The following VCL variants were observed in gnomAD, a reference collection of about 807,000 sequenced individuals.
VCL encodes the protein epididymis luminal protein 114.
VCL carries 47 observed loss-of-function variants against 125.7 expected under a neutral mutation model. The ratio of observed to expected loss-of-function variants is 0.37; its 90% CI spans 0.30 to 0.48. The LOEUF is 0.48. Among genes scored for constraint, VCL ranks in the 20% least tolerant of loss-of-function variants. The pLI, the probability that VCL is intolerant of heterozygous loss-of-function variation, is 0.99. For synonymous variants in VCL, 458 were observed against 514.6 expected (o/e 0.89, Z 1.49); for missense variants, 1,069 against 1,455.5 (o/e 0.73, Z 4.32).
chr10:74,074,713 A>C (rs200699818), intron 5 of VCL, 30 bp from the exon 6 acceptor site: 1 of 1,608,404 alleles, frequency 6.2e-7, no homozygotes, highest in Non-Finnish European at 8.5e-7. Flanking sequence ...TTAAATTCCA[A>C]GCTTACTTTC....
In VCL at chr10:74,059,409, C is replaced by CT. The variant is rs763857475; in HGVS notation, c.240-11248dup. Among the ~76,000 whole-genome samples the CT allele has an allele frequency of 3.9e-3, 568 of 144,792 alleles. 13 individuals are homozygous for CT. The East Asian group carries it at 0.071, about 18-fold the overall frequency. The allele number at this position is 144,792 out of a possible 152,430, so 95.0% of individuals were successfully genotyped here. ...ATCTCCTCCTGCTTTTGCACCCATA[C>CT]TTTTTTTTTTTTTGAGACGGAGTCT... On this transcript the variant is annotated intron_variant, in intron 2 of 21. Coordinates refer to ENST00000211998, the MANE Select transcript of VCL (RefSeq NM_014000.3).
At chr10:74,089,492 C>G in intron 9 of VCL, 143 bp downstream of exon 9, 1 of 1,158,152 alleles carries the variant, frequency 8.6e-7, no homozygotes. Flanking sequence ...CCAGCACTTA[C>G]CAATGTTAAC....
chr10:74,107,214 G>C lies in VCL; in HGVS notation c.2435-16G>C. The C allele has an allele frequency of 6.2e-7, 1 of 1,614,152 alleles. No individual in the cohort carries two copies. The highest frequency in any genetic ancestry group is 8.5e-7 in the Non-Finnish European group (1 of 1,180,024). On this transcript the variant is annotated splice_polypyrimidine_tract_variant and intron_variant, in intron 16 of 21. Coordinates refer to ENST00000211998, the MANE Select transcript of VCL (RefSeq NM_014000.3). ...ACTGACCCACCCAGCTGAAAGTGAG[G>C]ATGTCTTGTGTTTAGGACTGCAAAA...
rs1378620806 is a variant in VCL, at chr10:74,072,847, T to G, written c.617T>G (p.Ile206Ser). The G allele has an allele frequency of 6.2e-7, 1 of 1,614,150 alleles. No homozygotes were observed. ...NTVKELLPVL[I>S]SAMKIFVTTK... is the part of the protein sequence containing the mutation. The stretch of plus-strand genomic sequence containing the variant: ...GTGAAAGAGTTGCTGCCAGTTCTCA[T>G]TTCAGGTACTTCCTGCCTGTACTTT... Residue 206 changes from isoleucine to serine, a missense_variant, in exon 5 of 22, where the codon ATT (isoleucine) becomes AGT (serine). Physicochemically the swap from Ile to Ser is moderately radical, Grantham distance 142. Around this residue, in one of 6 missense-constraint regions of VCL, gnomAD observed 760 missense variants for 928.9 expected, o/e 0.82. Transcript: ENST00000211998.
In VCL at chr10:74,102,156, C is replaced by T. The variant is rs1004627213; in HGVS notation, c.2022+1059C>T. ...CTGAGATTACAGGCATGAGCTACTGCGGCCGGCTTGGATAATCTTAAGAGG... is the reference window on the plus strand; with the variant it reads ...CTGAGATTACAGGCATGAGCTACTGTGGCCGGCTTGGATAATCTTAAGAGG... On this transcript the variant is annotated intron_variant, in intron 14 of 21. Coordinates refer to ENST00000211998, the MANE Select transcript of VCL (RefSeq NM_014000.3). 5.9e-5 allele frequency among the ~76,000 whole-genome samples: 9 copies of T among 151,898 alleles called. No individual in the cohort carries two copies. In the East Asian group the frequency reaches 1.2e-3, roughly 20 times the overall value.
intron 2 of VCL, among the ~76,000 whole-genome samples, chr10:74,043,649 T>C (rs1025280465): frequency 6.6e-6 from 1 of 151,784 alleles, no homozygotes; most frequent in Non-Finnish European, 1.5e-5. Flanking sequence ...ACCTGGCCAA[T>C]TTTTGACATA....
At chr10:74,115,264 C>T (rs554499135) in intron 21 of VCL, among the ~76,000 whole-genome samples, 7 of 152,084 alleles carry the variant, frequency 4.6e-5, no homozygotes, top group Admixed American at 3.3e-4. Context: ...AATTGGGAGC[C>T]AGGTGTGGTG....
At chr10:74,115,131 C>T (rs568065291) in intron 21 of VCL, among the ~76,000 whole-genome samples, 8 of 152,152 alleles carry the variant, frequency 5.3e-5, no homozygotes, top group Admixed American at 5.2e-4. Context: ...CTTTGGGAGG[C>T]TGAGGCGGGA....
At chr10:74,108,477 T>C (rs1840171773) in intron 17 of VCL, among the ~76,000 whole-genome samples, 1 of 152,024 alleles carries the variant, frequency 6.6e-6, no homozygotes, top group South Asian at 2.1e-4. Context: ...GCCTTTTTTT[T>C]TTTTCTTTTT....
intron 13 of VCL, 30 bp from the exon 14 acceptor site, chr10:74,100,918 A>T: frequency 6.2e-7 from 1 of 1,613,370 alleles, no homozygotes; most frequent in Non-Finnish European, 8.5e-7. Flanking sequence ...TATTGAAATA[A>T]ATGTTCTTAA....
chr10:74,081,713 T>G (rs1839676679), intron 6 of VCL, among the ~76,000 whole-genome samples: 1 of 152,186 alleles, frequency 6.6e-6, no homozygotes, highest in Non-Finnish European at 1.5e-5. Context: ...TCCTGGGAGA[T>G]TTTATGCTAG....
intron 1 of VCL, among the ~76,000 whole-genome samples, chr10:74,032,240 TAAAAAAAAAAAAAAAAA>T (rs770412004): frequency 9.2e-5 from 7 of 75,994 alleles, no homozygotes; most frequent in African/African-American, 3.1e-4. Flanking sequence ...TGTTTCAGAA[TAAAAAAAAAAAAAAAAA>T]AAAGAAAAAG....
intron 6 of VCL, among the ~76,000 whole-genome samples, chr10:74,082,021 G>A (rs1033288540): frequency 2.0e-5 from 3 of 152,162 alleles, no homozygotes; most frequent in Admixed American, 1.3e-4. Context: ...AGATGTAAAA[G>A]AACTGTGATT....
intron 17 of VCL, among the ~76,000 whole-genome samples, chr10:74,108,356 C>T (rs3793921): frequency 0.69 from 105,089 of 152,100 alleles, 37,004 homozygotes; most frequent in Middle Eastern, 0.84. Flanking sequence ...TAGCTGCTTT[C>T]TGGTAGAACC....
intron 1 of VCL, among the ~76,000 whole-genome samples, chr10:74,031,248 C>T (rs1290602870): frequency 6.6e-6 from 1 of 152,142 alleles, no homozygotes; most frequent in Non-Finnish European, 1.5e-5. Context: ...TCCCCCACCA[C>T]CCCCCTTGTC....
At position 74,074,839 on chromosome 10, in the gene VCL, A is replaced by C. The variant is rs745549651; in HGVS notation, c.719A>C (p.Glu240Ala). Residue 240 changes from glutamate to alanine, a missense_variant, in exon 6 of 22, where the codon GAA becomes GCA. Glu to Ala is a moderately radical substitution (Grantham distance 107, BLOSUM62 -1). Around this residue, in one of 6 missense-constraint regions of VCL, gnomAD observed 760 missense variants for 928.9 expected, o/e 0.82. Coordinates refer to ENST00000211998, the MANE Select transcript of VCL (RefSeq NM_014000.3). ...RNFTVEKMSA[E>A]INEIIRVLQL... ...TTTACTGTAGAAAAAATGAGTGCTG[A>C]AATTAATGAGATAATTCGTGTGTTA... 1 of 1,614,190 alleles carries C rather than the reference A, an allele frequency of 6.2e-7. No individual in the cohort carries two copies. Among genetic ancestry groups the C allele is most frequent in the Non-Finnish European group, 8.5e-7 (1 of 1,180,028 alleles).
intron 2 of VCL, among the ~76,000 whole-genome samples, chr10:74,069,324 G>A (rs1205109852): frequency 6.6e-6 from 1 of 152,190 alleles, no homozygotes; most frequent in Admixed American, 6.5e-5. Flanking sequence ...ACAGGCATGA[G>A]CCAACTGCGC....
At chr10:74,062,367 A>ATTTTTTTTTT (rs34306365) in intron 2 of VCL, among the ~76,000 whole-genome samples, 1 of 113,966 alleles carries the variant, frequency 8.8e-6, no homozygotes, top group Non-Finnish European at 1.7e-5. Context: ...GCCTGGCCTG[A>ATTTTTTTTTT]TTTTTTTTTT....
At chr10:74,016,538 G>A (rs1475298909) in intron 1 of VCL, among the ~76,000 whole-genome samples, 2 of 152,096 alleles carry the variant, frequency 1.3e-5, no homozygotes, top group Non-Finnish European at 2.9e-5. Context: ...TTGAGCTGGA[G>A]ATCGTGCCAC....
Sources: allele counts gnomAD v4.1 joint callset (sites outside exome capture counted in the v4.1 genomes callset), GRCh38; gene constraint gnomAD v4.1.1; regional missense constraint gnomAD v4.1.1; transcripts MANE v1.5; gene names NCBI Gene and HGNC (gene_info 2026-07-23, HGNC 2026-07-21).